TDRD12: variants seen among roughly 807,000 people sequenced by gnomAD.
The protein encoded by TDRD12 is putative ATP-dependent RNA helicase TDRD12.
Under a neutral mutation model 133.5 loss-of-function variants are expected in TDRD12, and 158 were observed. The observed-to-expected ratio is 1.18, with a 90% CI of 1.04 to 1.35. The LOEUF (loss-of-function observed/expected upper bound fraction) is 1.35. Ranked by LOEUF, TDRD12 falls within the 40% of genes most tolerant of loss-of-function variation. The probability of loss-of-function intolerance (pLI) is 0.00; values close to 1 mark genes in which losing one functional copy is unlikely to be tolerated. For synonymous variants in TDRD12, 460 were observed against 477.9 expected (o/e 0.96, Z 0.49); for missense variants, 1,443 against 1,321.3 (o/e 1.09, Z -1.43).
rs1451799747 is a variant in TDRD12 at position 32,749,883 on chromosome 19, T to C, written c.582+14T>C. The C allele has an allele frequency of 2.7e-6, 4 of 1,477,374 alleles. No homozygotes were observed. Among genetic ancestry groups the C allele is most frequent in the East Asian group, 2.5e-5 (1 of 40,460 alleles). 91.5% of individuals were successfully genotyped at this position (1,477,374 alleles called of 1,614,324 possible). ...AAAGATGAAAAAGTAAGTGAAAGAA[T>C]TGTATTTTTATAATATTTCATCATT... is the stretch of plus-strand genomic sequence containing the variant. On this transcript the variant is annotated intron_variant, in intron 6 of 27. Transcript: ENST00000444215.
At chr19:32,800,930 A>C (rs1464349978) in intron 18 of TDRD12, among the ~76,000 whole-genome samples, 158 bp downstream of exon 18, 2 of 152,136 alleles carry the variant, frequency 1.3e-5, no homozygotes, top group Admixed American at 6.5e-5. Context: ...CTCACAGAGC[A>C]TGCAGGCTGA....
chr19:32,813,733 A>C, exon 25 of TDRD12: 1 of 1,535,500 alleles, frequency 6.5e-7, no homozygotes, highest in Non-Finnish European at 8.7e-7. Context: ...CATGATGCAA[A>C]AGTGATCCTG....
chr19:32,783,678 A>T (rs1346191577), intron 11 of TDRD12, among the ~76,000 whole-genome samples: 1 of 152,168 alleles, frequency 6.6e-6, no homozygotes, highest in East Asian at 1.9e-4. Context: ...GAGGTCCTTC[A>T]CATCCCTTGT....
At chr19:32,785,242 T>C (rs1970873256) in intron 11 of TDRD12, among the ~76,000 whole-genome samples, 1 of 152,224 alleles carries the variant, frequency 6.6e-6, no homozygotes, top group Non-Finnish European at 1.5e-5. Flanking sequence ...AGGAGCAGGT[T>C]GTTCAGCTTC....
chr19:32,797,828 C>T (rs1448192036), exon 15 of TDRD12: 1 of 702,436 alleles, frequency 1.4e-6, no homozygotes, highest in African/African-American at 1.7e-5. Flanking sequence ...GCCTCTTCAT[C>T]CTGTGCTATT....
At chr19:32,766,669 C>T (rs1223145621) in intron 8 of TDRD12, among the ~76,000 whole-genome samples, 4 of 151,808 alleles carry the variant, frequency 2.6e-5, no homozygotes, top group South Asian at 4.2e-4. Context: ...GGCTGGAGCG[C>T]GGTGGTGCAA....
At chr19:32,826,170 A>G (rs1258712975), downstream of TDRD12, 3 of 1,534,972 alleles carry the variant, frequency 2.0e-6, no homozygotes, top group Admixed American at 2.0e-5. Flanking sequence ...AGGTACGTCC[A>G]CTCGGCATGG....
intron 1 of TDRD12, among the ~76,000 whole-genome samples, chr19:32,724,781 A>G (rs1018576694): frequency 6.6e-6 from 1 of 152,184 alleles, no homozygotes; most frequent in East Asian, 1.9e-4. Flanking sequence ...ATCTTTGAGG[A>G]ATCACCACAC....
exon 10 of TDRD12, chr19:32,828,183 C>G (rs917398657): frequency 6.6e-6 from 1 of 152,172 alleles, no homozygotes; most frequent in Non-Finnish European, 1.5e-5. Context: ...TTGGATTGCT[C>G]AGTAAGACCC....
intron 11 of TDRD12, among the ~76,000 whole-genome samples, chr19:32,790,207 C>G (rs1329818045): frequency 3.3e-5 from 5 of 152,160 alleles, no homozygotes; most frequent in African/African-American, 1.2e-4. Context: ...TTCTTCTCCT[C>G]TCAGCAGAGG....
chr19:32,795,920 T>C (rs1007400921), intron 14 of TDRD12, among the ~76,000 whole-genome samples: 1 of 152,272 alleles, frequency 6.6e-6, no homozygotes, highest in South Asian at 2.1e-4. Context: ...AGGACAGTGC[T>C]AACCCATTCA....
At chr19:32,748,438 T>C in intron 4 of TDRD12, 38 bp from the exon 5 acceptor site, 1 of 1,543,778 alleles carries the variant, frequency 6.5e-7, no homozygotes, top group Non-Finnish European at 8.8e-7. Context: ...TAGCCTCAGA[T>C]TTTTATGTAA....
At chr19:32,813,133 GCCACTGCACT>G (rs1568493797) in intron 24 of TDRD12, among the ~76,000 whole-genome samples, 1 of 152,078 alleles carries the variant, frequency 6.6e-6, no homozygotes, top group Non-Finnish European at 1.5e-5. Context: ...CTATGATTGC[GCCACTGCACT>G]CCAGCCTGGG....
intron 8 of TDRD12, among the ~76,000 whole-genome samples, chr19:32,768,613 G>C (rs1018906300): frequency 2.6e-5 from 4 of 151,740 alleles, no homozygotes; most frequent in Admixed American, 2.6e-4. Context: ...AATCTTGCCC[G>C]CCTCGGCCTT....
At chr19:32,729,789 T>C (rs1446533736) in intron 1 of TDRD12, among the ~76,000 whole-genome samples, 80 of 121,618 alleles carry the variant, frequency 6.6e-4, no homozygotes, top group Non-Finnish European at 1.2e-3. Flanking sequence ...TTTTTTTTTT[T>C]TTTTTTTTTT....
chr19:32,810,642 C>G (rs1262341170), intron 23 of TDRD12, among the ~76,000 whole-genome samples: 1 of 152,250 alleles, frequency 6.6e-6, no homozygotes, highest in African/African-American at 2.4e-5. Context: ...ATAGTTTGTT[C>G]CAACCTGGTC....
At chr19:32,796,175 TGCTCCAGACGGG>T in intron 14 of TDRD12, 3 of 985,272 alleles carry the variant, frequency 3.0e-6, no homozygotes, top group Non-Finnish European at 3.6e-6. Context: ...GCACTGAGGG[TGCTCCAGACGGG>T]GCTCCACCAG....
chr19:32,800,580 G>T, intron 17 of TDRD12, 64 bp from the exon 18 acceptor site: 1 of 1,386,590 alleles, frequency 7.2e-7, no homozygotes, highest in Non-Finnish European at 9.5e-7. Flanking sequence ...CAACACCTGT[G>T]GAAAGTGGAT....
At chr19:32,757,243 T>C in intron 8 of TDRD12, 113 bp downstream of exon 8, 1 of 833,318 alleles carries the variant, frequency 1.2e-6, no homozygotes. Flanking sequence ...TCTCTTTTCT[T>C]AATTTAATGT....
Sources: allele counts gnomAD v4.1 joint callset (sites outside exome capture counted in the v4.1 genomes callset), GRCh38; gene constraint gnomAD v4.1.1; transcripts MANE v1.5; gene names NCBI Gene and HGNC (gene_info 2026-07-23, HGNC 2026-07-21).